The following GAB4 variants were observed in gnomAD, a reference collection of about 807,000 sequenced individuals.
GAB4 encodes the protein GRB2-associated-binding protein 4.
In GAB4, 26 loss-of-function variants were observed where a neutral mutation model predicts 51.3. That is an observed-to-expected ratio of 0.51 (90% CI 0.37 to 0.70). The LOEUF is 0.70. Ranked by LOEUF, GAB4 falls within the 30% of genes least tolerant of loss-of-function variation. GAB4 has a pLI of 0.00. For synonymous variants in GAB4, 329 were observed against 291.2 expected, an observed-to-expected ratio of 1.13 and a Z score of -1.32; for missense variants, 759 against 734.6, an observed-to-expected ratio of 1.03 and a Z score of -0.38.
intron 1 of GAB4, among the ~76,000 whole-genome samples, chr22:17,002,991 A>G (rs1466752748): frequency 6.6e-6 from 1 of 152,216 alleles, no homozygotes; most frequent in Non-Finnish European, 1.5e-5. Flanking sequence ...AAGAATATTT[A>G]CCAAGCAAAT....
chr22:16,965,084 G>A, intron 7 of GAB4, 94 bp downstream of exon 7: 2 of 933,008 alleles, frequency 2.1e-6, no homozygotes, highest in Non-Finnish European at 1.6e-6. Flanking sequence ...ATCGACATGA[G>A]CATCCAGTTA....
chr22:16,985,698 A>G (rs2060861508), intron 3 of GAB4, among the ~76,000 whole-genome samples: 1 of 152,230 alleles, frequency 6.6e-6, no homozygotes, highest in Admixed American at 6.5e-5. Context: ...CCTCATCCAC[A>G]CAAGCGAAAA....
chr22:16,997,917 T>C (rs1015936615), intron 1 of GAB4, among the ~76,000 whole-genome samples: 1 of 152,172 alleles, frequency 6.6e-6, no homozygotes, highest in Non-Finnish European at 1.5e-5. Flanking sequence ...TTTCCCCATT[T>C]CTTGTTTTTC....
chr22:16,968,494 C>A (rs2060702174), intron 4 of GAB4, 111 bp from the exon 5 acceptor site: 1 of 752,702 alleles, frequency 1.3e-6, no homozygotes, highest in African/African-American at 1.7e-5. Context: ...GAGGACACGA[C>A]TCTCAACCCC....
Position 16,966,256 on chromosome 22 carries a change from C to T in GAB4, c.1132G>A (p.Asp378Asn). 6.2e-7 allele frequency: 1 copy of T among 1,614,020 alleles called. No individual in the cohort carries two copies. Among genetic ancestry groups the T allele is most frequent in the Non-Finnish European group, 8.5e-7 (1 of 1,180,024 alleles). Residue 378 changes from aspartate (D) to asparagine (N), a missense_variant, in exon 6 of 10, where the codon GAT (aspartate) becomes AAT (asparagine). Around this residue, in one of 3 missense-constraint regions of GAB4, gnomAD observed 588 missense variants for 510.2 expected, o/e 1.15. Coordinates refer to ENST00000400588, the MANE Select transcript of GAB4 (RefSeq NM_001037814.1). Reference sequence around the variant, plus strand: ...ACAGGGATGCAGACACCCTGGGAATCATCGCCTGCTTGCTTCACAGCCGGC... The same window carrying T: ...ACAGGGATGCAGACACCCTGGGAATTATCGCCTGCTTGCTTCACAGCCGGC... The part of the protein sequence containing the change: ...TLPAVKQAGD[D>N]SQGVCIPVGS...
intron 3 of GAB4, among the ~76,000 whole-genome samples, chr22:16,984,337 T>C (rs1226784866): frequency 6.6e-6 from 1 of 152,242 alleles, no homozygotes; most frequent in Non-Finnish European, 1.5e-5. Flanking sequence ...GAATGCTCTA[T>C]ATACTCTTTG....
chr22:16,971,652 T>G (rs2123659311), intron 3 of GAB4, among the ~76,000 whole-genome samples: 1 of 152,342 alleles, frequency 6.6e-6, no homozygotes, highest in Non-Finnish European at 1.5e-5. Context: ...CTCCCCAGAA[T>G]GAGGCATGTC....
intron 1 of GAB4, among the ~76,000 whole-genome samples, chr22:16,996,192 C>G (rs536307258): frequency 1.4e-4 from 21 of 150,600 alleles, no homozygotes; most frequent in Non-Finnish European, 2.4e-4. Flanking sequence ...ATTGATCAAG[C>G]AGAAGACAGG....
At chr22:16,992,233 A>C (rs768295831) in intron 1 of GAB4, 57 bp from the exon 2 acceptor site, 318 of 1,479,300 alleles carry the variant, frequency 2.1e-4, no homozygotes, top group Non-Finnish European at 2.6e-4. Flanking sequence ...AGCTTTTAAC[A>C]GGTCTGAGAC....
intron 3 of GAB4, among the ~76,000 whole-genome samples, chr22:16,971,991 C>T (rs560505304): frequency 3.9e-4 from 60 of 152,374 alleles, no homozygotes; most frequent in Non-Finnish European, 7.6e-4. Flanking sequence ...CTGTGCTTCA[C>T]CAGCAGACAG....
chr22:16,977,689 C>T (rs1442099879), intron 3 of GAB4, among the ~76,000 whole-genome samples: 1 of 152,228 alleles, frequency 6.6e-6, no homozygotes, highest in African/African-American at 2.4e-5. Flanking sequence ...CAGACATCTA[C>T]AGAACTCTCC....
chr22:16,992,629 T>A lies in GAB4; in HGVS notation c.175-453A>T, dbSNP rs188128864. Among the ~76,000 whole-genome samples, 3 of 152,346 alleles carry A rather than the reference T, an allele frequency of 2.0e-5. No homozygotes were observed. The East Asian group carries it at 5.8e-4, about 29-fold the overall frequency. On this transcript the variant is annotated intron_variant, in intron 1 of 9. Coordinates refer to ENST00000400588, the MANE Select transcript of GAB4 (RefSeq NM_001037814.1). ...GTAGCAGAAAAACATGTTTCCCAAC[T>A]TTTAGTAAAATGTGCTTTTTACCAT...
intron 1 of GAB4, among the ~76,000 whole-genome samples, chr22:16,998,648 G>C (rs549713442): frequency 1.3e-5 from 2 of 152,172 alleles, no homozygotes; most frequent in Non-Finnish European, 2.9e-5. Context: ...TCTTTCTCTT[G>C]CCTGACTGTG....
chr22:16,997,386 G>A (rs2060958542), intron 1 of GAB4, among the ~76,000 whole-genome samples: 2 of 152,122 alleles, frequency 1.3e-5, no homozygotes, highest in Non-Finnish European at 2.9e-5. Flanking sequence ...GCATTTCTCT[G>A]ATGGCCAGTG....
At chr22:16,968,484 G>A in intron 4 of GAB4, 101 bp from the exon 5 acceptor site, 2 of 817,146 alleles carry the variant, frequency 2.4e-6, no homozygotes, top group Admixed American at 3.6e-5. Flanking sequence ...TGATGCTCTA[G>A]AGGACACGAC....
chr22:16,973,343 C>T lies in GAB4; in HGVS notation c.687-3150G>A, dbSNP rs530915614. ...AATGAATAAATGTTTGCTGAAGGAA[C>T]AAGCAGATGAATGAAAAAGTAAATA... On this transcript the variant is annotated intron_variant, in intron 3 of 9. Transcript: ENST00000400588. Among the ~76,000 whole-genome samples the T allele has an allele frequency of 7.5e-4, 114 of 152,290 alleles. No individual in the cohort carries two copies. In the Middle Eastern group the frequency reaches 0.017, roughly 23 times the overall value.
intron 3 of GAB4, among the ~76,000 whole-genome samples, chr22:16,975,281 C>A (rs2060767644): frequency 6.6e-6 from 1 of 152,168 alleles, no homozygotes; most frequent in South Asian, 2.1e-4. Context: ...TCGCTGCCAG[C>A]ACAACAGTCT....
rs772674860 is a variant in GAB4, at chr22:16,991,873, C to T, written c.478G>A (p.Gly160Ser). Residue 160 changes from glycine to serine, a missense_variant and splice_region_variant, in exon 2 of 10, where the codon GGC (glycine) becomes AGC (serine). Physicochemically the swap from Gly to Ser is moderately conservative, Grantham distance 56. This residue lies in a region of GAB4 where 88 missense variants were observed against 151.3 expected (regional missense o/e 0.58). Transcript: ENST00000400588. ...ICGFRQEEST[G>S]FLGNISSASH... is the part of the protein sequence containing the mutation. The stretch of plus-strand genomic sequence containing the variant: ...GACAGGGCTGTGTGTGCTCCCATAC[C>T]TGTGCTTTCCTCCTGCCTGAAGCCA... The T allele has an allele frequency of 3.1e-6, 5 of 1,610,944 alleles. No individual in the cohort carries two copies. In the South Asian group the frequency reaches 4.4e-5, roughly 14 times the overall value.
chr22:16,962,675 T>C lies in GAB4; in HGVS notation c.*58A>G. 1 of 1,501,720 alleles carries C rather than the reference T, an allele frequency of 6.7e-7. No homozygotes were observed. The highest frequency in any genetic ancestry group is 2.3e-5 in the East Asian group (1 of 44,014). 93.0% of individuals were successfully genotyped at this position (1,501,720 alleles called of 1,614,324 possible). The stretch of plus-strand genomic sequence containing the variant: ...TCCCTGATATTACAGAGCTTTAGAG[T>C]GTGGCGGAGCAGCTCTGAGGCACTG... On this transcript the variant is annotated 3_prime_UTR_variant, in exon 10 of 10. Transcript: ENST00000400588.
Sources: gnomAD v4.1 joint callset for allele counts (sites outside exome capture counted in the v4.1 genomes callset) on GRCh38, gnomAD v4.1.1 for gene constraint, gnomAD v4.1.1 regional missense constraint, MANE v1.5 for transcripts, NCBI Gene and HGNC (gene_info 2026-07-23, HGNC 2026-07-21) for gene names.